DPYS: variants seen among roughly 807,000 people sequenced by gnomAD.
DPYS encodes dihydropyrimidine amidohydrolase.
A neutral mutation model predicts 50.3 loss-of-function variants in DPYS; 39 were observed. The ratio of observed to expected loss-of-function variants is 0.78; its 90% CI spans 0.60 to 1.01. The LOEUF (loss-of-function observed/expected upper bound fraction) is 1.01, where lower values mean the gene tolerates loss of function less well. Among genes scored for constraint, DPYS ranks in the 50% least tolerant of loss-of-function variants. DPYS has a pLI of 0.00. For synonymous variants in DPYS, 245 were observed against 250.7 expected (o/e 0.98, Z 0.22); for missense variants, 659 against 680.9 (o/e 0.97, Z 0.36).
chr8:104,457,711 A>C (rs1813977003), intron 1 of DPYS, among the ~76,000 whole-genome samples: 1 of 152,158 alleles, frequency 6.6e-6, no homozygotes. Flanking sequence ...ACCTACAAAA[A>C]CAAGTTTCAT....
At chr8:104,382,727 T>TAA (rs1811097316) in intron 8 of DPYS, among the ~76,000 whole-genome samples, 1 of 152,130 alleles carries the variant, frequency 6.6e-6, no homozygotes, top group Admixed American at 6.5e-5. Context: ...TTTATGTCCT[T>TAA]CTTTCAGCTC....
chr8:104,456,710 A>G (rs1003018759), intron 1 of DPYS, among the ~76,000 whole-genome samples: 5 of 152,180 alleles, frequency 3.3e-5, no homozygotes, highest in Non-Finnish European at 7.3e-5. Flanking sequence ...CAGTTAGCCA[A>G]ACAAAATGGA....
At chr8:104,380,489 T>C (rs573034302) in intron 9 of DPYS, 1 of 152,734 alleles carries the variant, frequency 6.5e-6, no homozygotes, top group Non-Finnish European at 1.5e-5. Flanking sequence ...AGGGAGATGC[T>C]AAAATTACAG....
At chr8:104,425,368 T>G (rs1008577552) in intron 6 of DPYS, among the ~76,000 whole-genome samples, 3 of 152,016 alleles carry the variant, frequency 2.0e-5, no homozygotes, top group African/African-American at 7.2e-5. Flanking sequence ...ATTAGGTTGG[T>G]GCGAAAGCAA....
At chr8:104,412,220 C>T (rs971118500) in intron 7 of DPYS, among the ~76,000 whole-genome samples, 1 of 152,174 alleles carries the variant, frequency 6.6e-6, no homozygotes, top group Admixed American at 6.5e-5. Flanking sequence ...TGCAGGGATG[C>T]AGGCCACGCT....
At chr8:104,419,070 A>G in intron 7 of DPYS, 1 of 985,448 alleles carries the variant, frequency 1.0e-6, no homozygotes. Flanking sequence ...ATGAAGGGGC[A>G]CTTAAAGAAA....
rs116820806 is a variant in DPYS, at chr8:104,383,240, C to T, written c.1444-1926G>A. On this transcript the variant is annotated intron_variant, in intron 8 of 9. Transcript: ENST00000351513. ...GGGCCATGCTTTTGCATGGGCTGGG[C>T]TGCCGCTTTCATTTTTGTGTAATTA... 2.7e-3 allele frequency among the ~76,000 whole-genome samples: 411 copies of T among 152,326 alleles called. 2 individuals are homozygous for T. Among genetic ancestry groups the T allele is most frequent in the African/African-American group, 9.3e-3 (386 of 41,584 alleles).
At chr8:104,382,001 A>G (rs1811068526) in intron 8 of DPYS, among the ~76,000 whole-genome samples, 1 of 152,172 alleles carries the variant, frequency 6.6e-6, no homozygotes, top group African/African-American at 2.4e-5. Context: ...AGAATTCTCC[A>G]TTTGCCATTT....
chr8:104,446,610 T>C (rs1182496149), intron 3 of DPYS, among the ~76,000 whole-genome samples: 3 of 152,160 alleles, frequency 2.0e-5, no homozygotes, highest in African/African-American at 7.2e-5. Context: ...ATTTAAACCC[T>C]GGTCTGTTTT....
In DPYS at chr8:104,428,086, G is replaced by C. The variant is rs770545596; in HGVS notation, c.986C>G (p.Thr329Ser). Residue 329 changes from threonine (T) to serine (S), a missense_variant, in exon 6 of 10, where the codon ACT (threonine) becomes AGT (serine). By Grantham distance (58) the Thr-to-Ser change is moderately conservative. Transcript: ENST00000351513. The part of the protein sequence containing the change: ...DLTTTGTDNC[T>S]FNTCQKALGK... ...AAGAGCTTTCTGGCAGGTGTTGAAA[G>C]TGCAGTTATCAGTCCCTGTTGTGGT... The C allele has an allele frequency of 1.5e-5, 25 of 1,614,110 alleles. No homozygotes were observed. The South Asian group carries it at 2.6e-4, about 17-fold the overall frequency.
At chr8:104,433,863 T>C (rs1481680039) in intron 4 of DPYS, among the ~76,000 whole-genome samples, 2 of 152,018 alleles carry the variant, frequency 1.3e-5, no homozygotes, top group African/African-American at 2.4e-5. Flanking sequence ...AAGAGGAATA[T>C]ATGGGAGACA....
At chr8:104,386,142 A>C (rs1308140967) in intron 8 of DPYS, among the ~76,000 whole-genome samples, 1 of 152,246 alleles carries the variant, frequency 6.6e-6, no homozygotes, top group Non-Finnish European at 1.5e-5. Context: ...TTCTATAAAT[A>C]AACATTAATT....
chr8:104,429,366 A>G (rs1440161959), intron 5 of DPYS, 179 bp downstream of exon 5: 7 of 668,254 alleles, frequency 1.0e-5, no homozygotes, highest in Non-Finnish European at 1.8e-5. Flanking sequence ...TTGACAACAT[A>G]TCACAGCATA....
At chr8:104,437,442 T>C (rs1813189986) in intron 4 of DPYS, among the ~76,000 whole-genome samples, 1 of 152,194 alleles carries the variant, frequency 6.6e-6, no homozygotes, top group Admixed American at 6.5e-5. Flanking sequence ...CTAATTATAA[T>C]GTATTAGCTA....
chr8:104,432,856 T>C (rs889752246), intron 4 of DPYS, among the ~76,000 whole-genome samples: 7 of 152,202 alleles, frequency 4.6e-5, no homozygotes, highest in Admixed American at 4.6e-4. Context: ...CCTGGAGACA[T>C]TTCATGTTAT....
Position 104,447,187 on chromosome 8 carries a change from C to T in DPYS, c.603+137G>A, listed in dbSNP as rs1469148676. 6.9e-6 allele frequency: 8 copies of T among 1,158,400 alleles called. No homozygotes were observed. In the East Asian group the frequency reaches 1.0e-4, roughly 15 times the overall value. 71.8% of individuals were successfully genotyped at this position (1,158,400 alleles called of 1,614,324 possible). ...TTCTGAGCCACAGAAAATCCGTTTCCGAGCCACGGAAAATCCATTTCTGGA... is the reference window on the plus strand; with the variant it reads ...TTCTGAGCCACAGAAAATCCGTTTCTGAGCCACGGAAAATCCATTTCTGGA... On this transcript the variant is annotated intron_variant, in intron 3 of 9. Coordinates refer to ENST00000351513, the MANE Select transcript of DPYS (RefSeq NM_001385.3).
chr8:104,388,142 T>C (rs1811270992), intron 8 of DPYS, among the ~76,000 whole-genome samples: 1 of 152,218 alleles, frequency 6.6e-6, no homozygotes, highest in South Asian at 2.1e-4. Context: ...CATTGACAAA[T>C]GGTTATTTCA....
At chr8:104,466,600 G>A in intron 1 of DPYS, 57 bp downstream of exon 1, 2 of 1,468,820 alleles carry the variant, frequency 1.4e-6, no homozygotes, top group East Asian at 2.8e-5. Context: ...GGACGACTGG[G>A]GAGGCTGCCC....
chr8:104,448,759 G>A (rs559490372), intron 2 of DPYS, among the ~76,000 whole-genome samples: 1 of 152,268 alleles, frequency 6.6e-6, no homozygotes, highest in South Asian at 2.1e-4. Flanking sequence ...TAACTAAAAA[G>A]TGCAAAATAA....
Sources: allele counts gnomAD v4.1 joint callset (sites outside exome capture counted in the v4.1 genomes callset), GRCh38; gene constraint gnomAD v4.1.1; transcripts MANE v1.5; gene names NCBI Gene and HGNC (gene_info 2026-07-23, HGNC 2026-07-21).